Variants in TGFBI observed in about 807,000 individuals in gnomAD.
TGFBI encodes transforming growth factor-beta-induced protein ig-h3.
In TGFBI, 50 loss-of-function variants were observed where a neutral mutation model predicts 73.7. The ratio of observed to expected loss-of-function variants is 0.68; its 90% CI spans 0.54 to 0.86. The LOEUF (loss-of-function observed/expected upper bound fraction) is 0.86, where lower values mean the gene tolerates loss of function less well. TGFBI is among the 40% of genes least tolerant of loss of function. The pLI, the probability that TGFBI is intolerant of heterozygous loss-of-function variation, is 0.00. For synonymous variants in TGFBI, 362 were observed against 360.5 expected (o/e 1.00, Z -0.05); for missense variants, 839 against 877.0 (o/e 0.96, Z 0.55).
intron 12 of TGFBI, among the ~76,000 whole-genome samples, chr5:136,058,528 C>T (rs1751691073): frequency 6.6e-6 from 1 of 152,214 alleles, no homozygotes; most frequent in Non-Finnish European, 1.5e-5. Flanking sequence ...GAATATCCCC[C>T]TCAGCCCTGA....
rs187462557 is a variant in TGFBI, at chr5:136,040,459, G to A, written c.234-3599G>A. Reference sequence around the variant, plus strand: ...GTCCGAATACTATTGTGAACTGTGCGTGTAAGGGATCTAGCTTGTGCATTC... The same window carrying A: ...GTCCGAATACTATTGTGAACTGTGCATGTAAGGGATCTAGCTTGTGCATTC... On this transcript the variant is annotated intron_variant, in intron 2 of 16. Transcript: ENST00000442011. 1.8e-4 allele frequency among the ~76,000 whole-genome samples: 27 copies of A among 152,314 alleles called. No homozygotes were observed. The East Asian group carries it at 3.3e-3, about 19-fold the overall frequency.
intron 2 of TGFBI, among the ~76,000 whole-genome samples, chr5:136,038,075 G>A (rs1163329129): frequency 6.6e-6 from 1 of 152,154 alleles, no homozygotes; most frequent in East Asian, 1.9e-4. Flanking sequence ...CTGCTCTGGG[G>A]GCACTGAGAT....
intron 1 of TGFBI, 40 bp from the exon 2 acceptor site, chr5:136,033,723 G>A (rs758608388): frequency 9.6e-6 from 15 of 1,568,624 alleles, no homozygotes; most frequent in South Asian, 2.2e-5. Context: ...TGGGGTGGAC[G>A]TGCTGATCAT....
At chr5:136,040,024 G>A (rs45618032) in intron 2 of TGFBI, among the ~76,000 whole-genome samples, 2 of 152,202 alleles carry the variant, frequency 1.3e-5, no homozygotes, top group Non-Finnish European at 2.9e-5. Flanking sequence ...TTGTTCCAAC[G>A]ACTTCTCGAG....
At chr5:136,031,368 A>G (rs2237064) in intron 1 of TGFBI, among the ~76,000 whole-genome samples, 1,984 of 152,344 alleles carry the variant, frequency 0.013, 58 homozygotes, top group East Asian at 0.11. Context: ...AAACTTTGCT[A>G]TTTTAAGGAA....
chr5:136,035,121 C>CT (rs1751190614), intron 2 of TGFBI, among the ~76,000 whole-genome samples: 1 of 152,170 alleles, frequency 6.6e-6, no homozygotes, highest in South Asian at 2.1e-4. Flanking sequence ...CCAGCAGTCC[C>CT]TGGGAGCCTG....
chr5:136,048,958 C>CGTA, intron 6 of TGFBI: 1 of 153,002 alleles, frequency 6.5e-6, no homozygotes, highest in Non-Finnish European at 1.5e-5. Context: ...TGGTGTGATC[C>CGTA]TTCCATGCAT....
At chr5:136,050,887 C>CA (rs922359410) in intron 7 of TGFBI, among the ~76,000 whole-genome samples, 1 of 152,078 alleles carries the variant, frequency 6.6e-6, no homozygotes, top group Non-Finnish European at 1.5e-5. Context: ...GCACTGGGGA[C>CA]AGAGGCCATG....
chr5:136,049,204 G>A, intron 6 of TGFBI: 3 of 481,588 alleles, frequency 6.2e-6, no homozygotes, highest in South Asian at 3.6e-5. Flanking sequence ...TTGGGGGCAG[G>A]AAGAGGAAAG....
Position 136,055,695 on chromosome 5 carries a change from A to T in TGFBI, c.1426A>T (p.Asn476Tyr), listed in dbSNP as rs2126914625. The change falls in exon 11 of 17, where the codon AAC becomes TAC. Residue 476 changes from asparagine to tyrosine, a missense_variant. Asn to Tyr is a moderately radical substitution (Grantham distance 143, BLOSUM62 -2). Transcript: ENST00000442011. Reference sequence around the variant, plus strand: ...TTCTGTGCAGAGCCTCTGCATTGAGAACAGCTGCATCGCGGCCCACGACAA... The same window carrying T: ...TTCTGTGCAGAGCCTCTGCATTGAGTACAGCTGCATCGCGGCCCACGACAA... ...FVYRNSLCIE[N>Y]SCIAAHDKRG... 7 of 1,607,524 alleles carry T rather than the reference A, an allele frequency of 4.4e-6. No individual in the cohort carries two copies. Among genetic ancestry groups the T allele is most frequent in the Non-Finnish European group, 6.0e-6 (7 of 1,174,964 alleles).
Position 136,046,961 on chromosome 5 carries a change from C to A in TGFBI, c.570C>A (p.Thr190=). ...VLTDELKHGM[T]LTSMYQNSNI... ...CTGATGAGCTGAAACACGGCATGAC[C>A]CTCACCTCTATGTACCAGAATTCCA... The change falls in exon 5 of 17, where the codon ACC becomes ACA. Residue 190 remains threonine (T), a synonymous_variant. Coordinates refer to ENST00000442011, the MANE Select transcript of TGFBI (RefSeq NM_000358.3). The A allele has an allele frequency of 3.7e-6, 6 of 1,613,672 alleles. No individual in the cohort carries two copies. Among genetic ancestry groups the A allele is most frequent in the Non-Finnish European group, 5.1e-6 (6 of 1,179,860 alleles).
At chr5:136,052,835 G>A (rs1751558809) in intron 7 of TGFBI, 72 bp from the exon 8 acceptor site, 2 of 1,432,978 alleles carry the variant, frequency 1.4e-6, no homozygotes, top group African/African-American at 1.4e-5. Context: ...CACAGCATGG[G>A]CAGGCTGCAA....
intron 12 of TGFBI, chr5:136,058,685 G>A (rs891634218): frequency 6.0e-6 from 1 of 167,238 alleles, no homozygotes; most frequent in Non-Finnish European, 1.3e-5. Flanking sequence ...CAGGAGCCAT[G>A]CTGATGATGA....
chr5:136,047,817 C>G (rs1174434137), intron 6 of TGFBI: 19 of 176,038 alleles, frequency 1.1e-4, no homozygotes, highest in Non-Finnish European at 4.8e-5. Flanking sequence ...GACCCTGGTT[C>G]CAACCATACG....
At position 136,056,751 on chromosome 5, in the gene TGFBI, A is replaced by T; in HGVS notation, c.1634A>T (p.Glu545Val). 6.2e-7 allele frequency: 1 copy of T among 1,613,930 alleles called. No homozygotes were observed. The change falls in exon 12 of 17, where the codon GAA (glutamate) becomes GTA (valine). Residue 545 changes from glutamate to valine, a missense_variant. Glu to Val is a moderately radical substitution (Grantham distance 121, BLOSUM62 -2). Transcript: ENST00000442011. ...GVYTVFAPTN[E>V]AFRALPPRER... The stretch of plus-strand genomic sequence containing the variant: ...TACACAGTCTTTGCTCCCACAAATG[A>T]AGCCTTCCGAGCCCTGCCACCAAGA...
chr5:136,053,799 G>GCCC (rs1751579975), intron 8 of TGFBI, 144 bp from the exon 9 acceptor site: 1 of 1,190,516 alleles, frequency 8.4e-7, no homozygotes, highest in Non-Finnish European at 1.2e-6. Context: ...GATGACACAA[G>GCCC]CCCGCTGGGC....
chr5:136,054,649 A>C, intron 9 of TGFBI, 67 bp from the exon 10 acceptor site: 3 of 1,605,924 alleles, frequency 1.9e-6, no homozygotes, highest in Non-Finnish European at 2.6e-6. Context: ...CACTGTATTT[A>C]TCTCTCATCA....
intron 5 of TGFBI, 103 bp downstream of exon 5, chr5:136,047,118 C>T (rs191084261): frequency 5.9e-6 from 9 of 1,531,812 alleles, no homozygotes; most frequent in Non-Finnish European, 7.9e-6. Context: ...AGACAACCCA[C>T]CCTCTTTGTG....
At chr5:136,042,306 G>A (rs1369897832) in intron 2 of TGFBI, among the ~76,000 whole-genome samples, 1 of 152,190 alleles carries the variant, frequency 6.6e-6, no homozygotes, top group Non-Finnish European at 1.5e-5. Flanking sequence ...GAGATTGCAA[G>A]TAACTTTTAA....
Sources: gnomAD v4.1 joint callset for allele counts (sites outside exome capture counted in the v4.1 genomes callset) on GRCh38, gnomAD v4.1.1 for gene constraint, MANE v1.5 for transcripts, NCBI Gene and HGNC (gene_info 2026-07-23, HGNC 2026-07-21) for gene names.